Variants in ZNF783 observed in about 807,000 individuals in gnomAD.
ZNF783 encodes zinc finger protein 783.
In ZNF783, 25 loss-of-function variants were observed where a neutral mutation model predicts 31.3. That is an observed-to-expected ratio of 0.80 (90% CI 0.58 to 1.11). The LOEUF (loss-of-function observed/expected upper bound fraction) is 1.11, where lower values mean the gene tolerates loss of function less well. ZNF783 is among the 50% of genes most tolerant of loss of function. The pLI is 0.00. For missense variants in ZNF783, 797 were observed against 760.0 expected, an observed-to-expected ratio of 1.05 and a Z score of -0.57; for synonymous variants, 369 against 319.1, an observed-to-expected ratio of 1.16 and a Z score of -1.66.
chr7:149,282,010 C>G lies in ZNF783; in HGVS notation c.1308C>G (p.Tyr436Ter). Residue 436 changes from tyrosine to a stop codon, truncating the protein, a stop_gained, in exon 6 of 6, where the codon TAC (tyrosine) becomes TAG (stop). Coordinates refer to ENST00000434415, the MANE Select transcript of ZNF783 (RefSeq NM_001195220.2). LOFTEE classifies it low-confidence loss of function (END_TRUNC). ...VGRRPAASKM[Y>*]HCSECLRFFQ... ...GGCGGCCTGCAGCCAGCAAGATGTACCACTGCAGCGAGTGCCTGCGCTTCT... is the reference window on the plus strand; with the variant it reads ...GGCGGCCTGCAGCCAGCAAGATGTAGCACTGCAGCGAGTGCCTGCGCTTCT... The G allele has an allele frequency of 6.3e-7, 1 of 1,584,016 alleles. No homozygotes were observed.
At chr7:149,262,992 G>C (rs1293462136) in intron 1 of ZNF783, among the ~76,000 whole-genome samples, 3 of 152,034 alleles carry the variant, frequency 2.0e-5, no homozygotes, top group African/African-American at 7.2e-5. Context: ...GCAGTGGCAC[G>C]ATCTCGGCTC....
At chr7:149,267,244 G>T (rs1451614407) in intron 4 of ZNF783, 22 bp downstream of exon 4, 3 of 1,560,686 alleles carry the variant, frequency 1.9e-6, no homozygotes, top group Admixed American at 1.9e-5. Flanking sequence ...AGCCAGATGT[G>T]GTTGGGGGGC....
chr7:149,267,248 G>A, intron 4 of ZNF783, 26 bp downstream of exon 4: 2 of 1,557,648 alleles, frequency 1.3e-6, no homozygotes, highest in African/African-American at 1.4e-5. Context: ...AGATGTGGTT[G>A]GGGGGCCGCC....
intron 4 of ZNF783, among the ~76,000 whole-genome samples, chr7:149,275,331 T>TTA (rs1563197408): frequency 6.6e-6 from 1 of 150,764 alleles, no homozygotes. Flanking sequence ...TTTTTTTTTT[T>TTA]AGACGGAGTT....
intron 4 of ZNF783, among the ~76,000 whole-genome samples, chr7:149,276,030 C>T (rs1301962969): frequency 6.6e-6 from 1 of 152,184 alleles, no homozygotes; most frequent in Non-Finnish European, 1.5e-5. Flanking sequence ...GCTGGAACTA[C>T]AGGCGTATGC....
In ZNF783 at chr7:149,266,862, T is replaced by G; in HGVS notation, c.464T>G (p.Leu155Arg). The G allele has an allele frequency of 6.2e-7, 1 of 1,613,934 alleles. No homozygotes were observed. The highest frequency in any genetic ancestry group is 8.5e-7 in the Non-Finnish European group (1 of 1,179,968). Reference protein sequence around the residue: ...FDDVAVYFSELEWGKLEDWQK... With the variant: ...FDDVAVYFSEREWGKLEDWQK... ...GATGTGGCCGTGTATTTCTCTGAGC[T>G]GGAGTGGGGCAAGCTGGAGGACTGG... The change falls in exon 3 of 6, where the codon CTG becomes CGG. Residue 155 changes from leucine to arginine, a missense_variant. Leu to Arg is a moderately radical substitution (Grantham distance 102, BLOSUM62 -2). Coordinates refer to ENST00000434415, the MANE Select transcript of ZNF783 (RefSeq NM_001195220.2).
intron 5 of ZNF783, 79 bp downstream of exon 5, chr7:149,278,606 A>G: frequency 1.3e-6 from 2 of 1,573,630 alleles, no homozygotes; most frequent in Non-Finnish European, 1.7e-6. Context: ...TGCTGAGGAA[A>G]AGCCCTGGAA....
Position 149,283,187 on chromosome 7 carries a change from T to G in ZNF783, c.*844T>G, listed in dbSNP as rs1209348245. ...GGTTTCATCATGTTGTCCAGACTGG[T>G]CTCGAACTCCTGATGTTAGGTGACC... On this transcript the variant is annotated 3_prime_UTR_variant, in exon 6 of 6. Transcript: ENST00000434415. 1 of 151,982 alleles carries G rather than the reference T, an allele frequency of 6.6e-6. No individual in the cohort carries two copies. The highest frequency in any genetic ancestry group is 1.5e-5 in the Non-Finnish European group (1 of 68,018). 9.4% of individuals were successfully genotyped at this position (151,982 alleles called of 1,614,324 possible). A position where few individuals can be genotyped will look rare whatever the true frequency, so the allele number is the denominator to read the frequency against.
In ZNF783 at chr7:149,262,233, G is replaced by T; in HGVS notation, c.-101G>T. ...GCTGCCGCCCGGCAGTAGCTCTCAG[G>T]TTAGGCGGGTCCCGCTCCGCTTCCG... On this transcript the variant is annotated 5_prime_UTR_variant, in exon 1 of 6. Coordinates refer to ENST00000434415, the MANE Select transcript of ZNF783 (RefSeq NM_001195220.2). The T allele has an allele frequency of 8.8e-7, 1 of 1,139,402 alleles. No homozygotes were observed. The highest frequency in any genetic ancestry group is 2.2e-5 in the South Asian group (1 of 45,250). The allele number at this position is 1,139,402 out of a possible 1,614,324, so 70.6% of individuals were successfully genotyped here. A position where few individuals can be genotyped will look rare whatever the true frequency, so the allele number is the denominator to read the frequency against.
intron 1 of ZNF783, among the ~76,000 whole-genome samples, chr7:149,262,777 A>T (rs957670487): frequency 6.6e-6 from 1 of 152,250 alleles, no homozygotes; most frequent in South Asian, 2.1e-4. Context: ...TCACGCATCT[A>T]TTAGAGGCGG....
rs1243673541 is a variant in ZNF783, at chr7:149,282,102, C to T, written c.1400C>T (p.Ala467Val). 1.3e-6 allele frequency: 2 copies of T among 1,597,646 alleles called. No individual in the cohort carries two copies. Among genetic ancestry groups the T allele is most frequent in the African/African-American group, 1.3e-5 (1 of 74,898 alleles). Reference protein sequence around the residue: ...LHTGNGQGWPACPYCGKAFRR... With the variant: ...LHTGNGQGWPVCPYCGKAFRR... ...ACCGGCAATGGCCAGGGCTGGCCCG[C>T]CTGCCCCTACTGCGGCAAGGCCTTC... is the stretch of plus-strand genomic sequence containing the variant. Residue 467 changes from alanine (A) to valine (V), a missense_variant, in exon 6 of 6, where the codon GCC becomes GTC. Transcript: ENST00000434415.
chr7:149,262,355 C>T lies in ZNF783; in HGVS notation c.22C>T (p.Arg8Trp), dbSNP rs1796945092. Residue 8 changes from arginine to tryptophan, a missense_variant and splice_region_variant, in exon 1 of 6, where the codon CGG becomes TGG. By Grantham distance (101) the Arg-to-Trp change is moderately radical. Transcript: ENST00000434415. Reference sequence around the variant, plus strand: ...AGCCATGGCCGAAGCGGCGCCTGCCCGGGTAAGCGCCCTCGGCCCCGCGGA... The same window carrying T: ...AGCCATGGCCGAAGCGGCGCCTGCCTGGGTAAGCGCCCTCGGCCCCGCGGA... MAEAAPA[R>W]DPETDKHTED... The T allele has an allele frequency of 2.3e-6, 3 of 1,319,058 alleles. No individual in the cohort carries two copies. The highest frequency in any genetic ancestry group is 2.9e-6 in the Non-Finnish European group (3 of 1,031,160). The allele number at this position is 1,319,058 out of a possible 1,614,324, so 81.7% of individuals were successfully genotyped here.
chr7:149,266,540 A>G lies in ZNF783; in HGVS notation c.230A>G (p.Lys77Arg). The G allele has an allele frequency of 6.2e-7, 1 of 1,614,188 alleles. No individual in the cohort carries two copies. Among genetic ancestry groups the G allele is most frequent in the Non-Finnish European group, 8.5e-7 (1 of 1,180,024 alleles). ...LEGRTGTAEK[K>R]LADCEKTAVE... is the part of the protein sequence containing the mutation. ...GGGCGCACGGGGACAGCCGAGAAGA[A>G]GCTGGCCGACTGCGAGAAGACAGCT... is the stretch of plus-strand genomic sequence containing the variant. The change falls in exon 2 of 6, where the codon AAG becomes AGG. Residue 77 changes from lysine (K) to arginine (R), a missense_variant. Physicochemically the swap from Lys to Arg is conservative, Grantham distance 26. Coordinates refer to ENST00000434415, the MANE Select transcript of ZNF783 (RefSeq NM_001195220.2).
Position 149,267,140 on chromosome 7 carries a change from G to T in ZNF783, c.591G>T (p.Arg197Ser). ...SKPDILTRIE[R>S]GEEPCLDRWG... ...CAGACATCCTCACCCGGATAGAGAG[G>T]GGAGAGGAGCCTTGTCTTGACCGGT... Residue 197 changes from arginine (R) to serine (S), a missense_variant, in exon 4 of 6, where the codon AGG becomes AGT. Physicochemically the swap from Arg to Ser is moderately radical, Grantham distance 110. Coordinates refer to ENST00000434415, the MANE Select transcript of ZNF783 (RefSeq NM_001195220.2). 6.3e-7 allele frequency: 1 copy of T among 1,599,608 alleles called. No homozygotes were observed. The highest frequency in any genetic ancestry group is 1.1e-5 in the South Asian group (1 of 91,076).
At chr7:149,265,396 G>A (rs1187020385) in intron 1 of ZNF783, among the ~76,000 whole-genome samples, 1 of 152,204 alleles carries the variant, frequency 6.6e-6, no homozygotes, top group Non-Finnish European at 1.5e-5. Context: ...ATATCCCTGA[G>A]CTGGAACCAT....
At position 149,262,316 on chromosome 7, in the gene ZNF783, C is replaced by G; in HGVS notation, c.-18C>G. ...GCCGGGTCCAGGGACTGCAACCCAG[C>G]GAGGGACGCGGGCAGCCATGGCCGA... On this transcript the variant is annotated 5_prime_UTR_variant, in exon 1 of 6. Transcript: ENST00000434415. 2 of 1,355,558 alleles carry G rather than the reference C, an allele frequency of 1.5e-6. No homozygotes were observed. The highest frequency in any genetic ancestry group is 6.1e-5 in the Admixed American group (2 of 32,954). 84.0% of individuals were successfully genotyped at this position (1,355,558 alleles called of 1,614,324 possible).
chr7:149,266,695 C>G lies in ZNF783; in HGVS notation c.385C>G (p.Arg129Gly). ...LLRNRNFWIL[R>G]LPPGSKGEAP... ...GCGCAACAGGAACTTCTGGATCTTG[C>G]GGCTGCCCCCGGGCAGCAAGGGGGA... The change falls in exon 2 of 6, where the codon CGG (arginine) becomes GGG (glycine). Residue 129 changes from arginine (R) to glycine (G), a missense_variant. Coordinates refer to ENST00000434415, the MANE Select transcript of ZNF783 (RefSeq NM_001195220.2). 1 of 1,613,976 alleles carries G rather than the reference C, an allele frequency of 6.2e-7. No homozygotes were observed. The highest frequency in any genetic ancestry group is 8.5e-7 in the Non-Finnish European group (1 of 1,179,992).
chr7:149,269,500 A>G (rs1797161835), intron 4 of ZNF783, among the ~76,000 whole-genome samples: 2 of 152,170 alleles, frequency 1.3e-5, no homozygotes, highest in African/African-American at 4.8e-5. Context: ...TGCCAAGGGC[A>G]ATATCGAGGA....
rs1335129114 is a variant in ZNF783 at position 149,284,288 on chromosome 7, C to G, written c.*1945C>G. The G allele has an allele frequency of 6.6e-6, 1 of 152,340 alleles. No homozygotes were observed. Among genetic ancestry groups the G allele is most frequent in the East Asian group, 1.9e-4 (1 of 5,210 alleles). 9.4% of individuals were successfully genotyped at this position (152,340 alleles called of 1,614,324 possible). A position where few individuals can be genotyped will look rare whatever the true frequency, so the allele number is the denominator to read the frequency against. ...GTGCCATTTCCTTGCCCTTCTGACCCTCACACTTCTTCCAAAGTCTTGAGC... is the reference window on the plus strand; with the variant it reads ...GTGCCATTTCCTTGCCCTTCTGACCGTCACACTTCTTCCAAAGTCTTGAGC... On this transcript the variant is annotated 3_prime_UTR_variant, in exon 6 of 6. Coordinates refer to ENST00000434415, the MANE Select transcript of ZNF783 (RefSeq NM_001195220.2).
Sources: allele counts gnomAD v4.1 joint callset (sites outside exome capture counted in the v4.1 genomes callset), GRCh38; gene constraint gnomAD v4.1.1; transcripts MANE v1.5; gene names NCBI Gene and HGNC (gene_info 2026-07-23, HGNC 2026-07-21).